Variants in ORMDL1 observed in about 807,000 individuals in gnomAD.
The protein encoded by ORMDL1 is ORMDL sphingolipid biosynthesis regulator 1.
A neutral mutation model predicts 13.0 loss-of-function variants in ORMDL1; 10 were observed. The ratio of observed to expected loss-of-function variants is 0.77; its 90% CI spans 0.47 to 1.30. The LOEUF (loss-of-function observed/expected upper bound fraction) is 1.30. Ranked by LOEUF, ORMDL1 falls within the 50% of genes most tolerant of loss-of-function variation. ORMDL1 has a pLI of 0.00. For synonymous variants in ORMDL1, 61 were observed against 63.9 expected (o/e 0.95, Z 0.22); for missense variants, 171 against 186.7 (o/e 0.92, Z 0.49).
chr2:189,781,119 C>T (rs1337856326), intron 3 of ORMDL1, among the ~76,000 whole-genome samples: 1 of 152,040 alleles, frequency 6.6e-6, no homozygotes, highest in Non-Finnish European at 1.5e-5. Flanking sequence ...TTTCAGGCTT[C>T]ACCATGTTGC....
intron 3 of ORMDL1, 34 bp from the exon 4 acceptor site, chr2:189,775,750 T>G (rs756278082): frequency 8.8e-6 from 14 of 1,589,188 alleles, no homozygotes; most frequent in Non-Finnish European, 1.2e-5. Context: ...AAATGATCAA[T>G]ATTAAATACA....
In ORMDL1 at chr2:189,771,873, T is replaced by A. The variant is rs775901706; in HGVS notation, c.356A>T (p.Tyr119Phe). Reference protein sequence around the residue: ...LYFLASFYTKYDPTHFILNTA... With the variant: ...LYFLASFYTKFDPTHFILNTA... ...GTTTAGGATGAAGTGAGTTGGATCA[T>A]ACTTCGTATAGAAACTTGCCAGAAA... The change falls in exon 5 of 5, where the codon TAT becomes TTT. Residue 119 changes from tyrosine to phenylalanine, a missense_variant. Transcript: ENST00000392349. 1 of 1,601,828 alleles carries A rather than the reference T, an allele frequency of 6.2e-7. No individual in the cohort carries two copies. Among genetic ancestry groups the A allele is most frequent in the Non-Finnish European group, 8.5e-7 (1 of 1,172,662 alleles).
chr2:189,764,651 T>G, the ORMDL1 span, among the ~76,000 whole-genome samples: 1 of 152,190 alleles, frequency 6.6e-6, no homozygotes, highest in African/African-American at 2.4e-5. Context: ...ATGCAGATAG[T>G]TAGAATGCCA....
chr2:189,766,714 A>G (rs1378705164), downstream of ORMDL1, among the ~76,000 whole-genome samples: 1 of 112,140 alleles, frequency 8.9e-6, no homozygotes, highest in East Asian at 2.6e-4. Flanking sequence ...ACAGAAGGAG[A>G]CTCCCGTCTC....
At position 189,770,653 on chromosome 2, in the gene ORMDL1, TAAG is replaced by T. The variant is rs1444416531; in HGVS notation, c.*1111_*1113del. On this transcript the variant is annotated 3_prime_UTR_variant, in exon 5 of 5. Coordinates refer to ENST00000392349, the MANE Select transcript of ORMDL1 (RefSeq NM_016467.5). ...TTCTTGCAATTAATGTCAGCAACTATAAGAAGCTTTCCTAAGTCACAAGAATTC... is the reference window on the plus strand; with the variant it reads ...TTCTTGCAATTAATGTCAGCAACTATAAGCTTTCCTAAGTCACAAGAATTC... The T allele has an allele frequency of 6.6e-6, 1 of 152,228 alleles. No homozygotes were observed. The highest frequency in any genetic ancestry group is 1.5e-5 in the Non-Finnish European group (1 of 68,034). 9.4% of individuals were successfully genotyped at this position (152,228 alleles called of 1,614,324 possible). A position where few individuals can be genotyped will look rare whatever the true frequency, so the allele number is the denominator to read the frequency against.
chr2:189,776,263 A>T (rs12622902), intron 3 of ORMDL1, among the ~76,000 whole-genome samples: 35,890 of 152,102 alleles, frequency 0.24, 4,555 homozygotes, highest in African/African-American at 0.32. Context: ...TAATAGGTAT[A>T]ATGTTCCACT....
At chr2:189,764,836 T>A in the ORMDL1 span, 1 of 151,668 alleles carries the variant, frequency 6.6e-6, no homozygotes, top group Non-Finnish European at 1.5e-5. Flanking sequence ...CATATAAGAA[T>A]CTTTCTTTTT....
downstream of ORMDL1, chr2:189,765,440 A>G (rs550931022): frequency 1.3e-5 from 2 of 152,356 alleles, no homozygotes; most frequent in Admixed American, 1.3e-4. Context: ...TTGAGTTTCA[A>G]TATCTGATTC....
At chr2:189,781,654 C>T (rs2047836764) in intron 3 of ORMDL1, among the ~76,000 whole-genome samples, 1 of 151,416 alleles carries the variant, frequency 6.6e-6, no homozygotes, top group Admixed American at 6.6e-5. Context: ...GATCTATTTT[C>T]TAGATTCTAT....
chr2:189,772,781 G>A (rs780820156), intron 4 of ORMDL1, among the ~76,000 whole-genome samples: 6 of 152,176 alleles, frequency 3.9e-5, no homozygotes, highest in Non-Finnish European at 7.3e-5. Flanking sequence ...ACTGACATTA[G>A]TTTCTCATAA....
chr2:189,770,204 TTAAAA>T (rs773869073), downstream of ORMDL1: 8 of 152,190 alleles, frequency 5.3e-5, no homozygotes, highest in African/African-American at 1.4e-4. Context: ...GAGAGGAACT[TTAAAA>T]TAAAGAAAAA....
chr2:189,782,721 G>C, intron 2 of ORMDL1, 119 bp from the exon 3 acceptor site: 1 of 840,526 alleles, frequency 1.2e-6, no homozygotes, highest in Non-Finnish European at 1.9e-6. Flanking sequence ...CTTTGAAGTA[G>C]CACACAAACA....
intron 3 of ORMDL1, among the ~76,000 whole-genome samples, chr2:189,777,500 G>T (rs1409851619): frequency 6.6e-6 from 1 of 152,110 alleles, no homozygotes; most frequent in Non-Finnish European, 1.5e-5. Context: ...TACTTAACTA[G>T]TGTTTAGAAT....
At chr2:189,765,061 G>C in the ORMDL1 span, 1 of 152,260 alleles carries the variant, frequency 6.6e-6, no homozygotes, top group Admixed American at 6.5e-5. Flanking sequence ...TTGAACTCCT[G>C]ACCTCGTGAT....
chr2:189,776,577 G>A (rs777274274), intron 3 of ORMDL1, among the ~76,000 whole-genome samples: 2 of 152,100 alleles, frequency 1.3e-5, no homozygotes, highest in Non-Finnish European at 2.9e-5. Flanking sequence ...ACGCCACAAT[G>A]TGATGTCATT....
At chr2:189,769,455 A>G (rs1426874454), downstream of ORMDL1, among the ~76,000 whole-genome samples, 1 of 152,024 alleles carries the variant, frequency 6.6e-6, no homozygotes, top group East Asian at 1.9e-4. Flanking sequence ...TCTCTAACTT[A>G]GCCTCATATA....
At chr2:189,775,451 T>C in intron 4 of ORMDL1, 114 bp downstream of exon 4, 1 of 1,134,796 alleles carries the variant, frequency 8.8e-7, no homozygotes, top group Non-Finnish European at 1.2e-6. Context: ...TCCGAGGTGC[T>C]ACTTATTGAT....
chr2:189,775,924 TG>T (rs1254475447), intron 3 of ORMDL1, among the ~76,000 whole-genome samples: 2 of 152,178 alleles, frequency 1.3e-5, no homozygotes, highest in Non-Finnish European at 2.9e-5. Context: ...AAGTGAGAAT[TG>T]GTAAAAGGTC....
chr2:189,765,839 A>ATTTTT (rs72132150), downstream of ORMDL1, among the ~76,000 whole-genome samples: 6 of 106,750 alleles, frequency 5.6e-5, no homozygotes, highest in Admixed American at 1.2e-4. Flanking sequence ...TACTTTCTCC[A>ATTTTT]TTTTTTTTTT....
Sources: allele counts gnomAD v4.1 joint callset (sites outside exome capture counted in the v4.1 genomes callset), GRCh38; gene constraint gnomAD v4.1.1; transcripts MANE v1.5; gene names NCBI Gene and HGNC (gene_info 2026-07-23, HGNC 2026-07-21).